The following MYOM1 variants were observed in gnomAD, a reference collection of about 807,000 sequenced individuals.
MYOM1 encodes myomesin-1.
In MYOM1, 164 loss-of-function variants were observed where a neutral mutation model predicts 205.3. That is an observed-to-expected ratio of 0.80 (90% CI 0.70 to 0.91). The LOEUF (loss-of-function observed/expected upper bound fraction) is 0.91, where lower values mean the gene tolerates loss of function less well. MYOM1 is among the 40% of genes least tolerant of loss of function. The probability of loss-of-function intolerance (pLI) is 0.00; values close to 1 mark genes in which losing one functional copy is unlikely to be tolerated. For synonymous variants in MYOM1, 772 were observed against 789.4 expected (o/e 0.98, Z 0.37); for missense variants, 2,011 against 2,127.3 (o/e 0.95, Z 1.08).
At chr18:3,200,207 AC>A (rs1270069600) in intron 2 of MYOM1, among the ~76,000 whole-genome samples, 4 of 152,130 alleles carry the variant, frequency 2.6e-5, no homozygotes, top group African/African-American at 7.2e-5. Context: ...AACCCAAAAA[AC>A]AAAAAACAAA....
In MYOM1 at chr18:3,215,262, A is replaced by G. The variant is rs78603353; in HGVS notation, c.-28-11T>C. The stretch of plus-strand genomic sequence containing the variant: ...AAGGAACCGGGCCACCTGAAGGAAA[A>G]CAACACTTTTTGAGTGACTTATTAA... On this transcript the variant is annotated splice_polypyrimidine_tract_variant and intron_variant, in intron 1 of 37. Transcript: ENST00000356443. The G allele has an allele frequency of 1.4e-3, 2,136 of 1,555,224 alleles. 5 individuals carry two copies. Among genetic ancestry groups the G allele is most frequent in the East Asian group, 0.012 (523 of 42,588 alleles).
At chr18:3,208,040 A>T (rs1326363739) in intron 2 of MYOM1, among the ~76,000 whole-genome samples, 3 of 152,206 alleles carry the variant, frequency 2.0e-5, no homozygotes, top group Non-Finnish European at 4.4e-5. Flanking sequence ...TTCTTGCTTT[A>T]ACATTCCACA....
At chr18:3,203,908 T>C (rs1006374775) in intron 2 of MYOM1, among the ~76,000 whole-genome samples, 1 of 151,658 alleles carries the variant, frequency 6.6e-6, no homozygotes, top group Non-Finnish European at 1.5e-5. Flanking sequence ...CAGCAACATA[T>C]AAAACCAAGT....
the MYOM1 span, among the ~76,000 whole-genome samples, chr18:3,237,605 A>G: frequency 6.6e-6 from 1 of 151,156 alleles, no homozygotes; most frequent in African/African-American, 2.4e-5. Context: ...TCTCAAAAAA[A>G]AAAAAAAAAA....
chr18:3,199,765 G>A (rs1314862338), intron 2 of MYOM1, among the ~76,000 whole-genome samples: 6 of 152,134 alleles, frequency 3.9e-5, no homozygotes, highest in Non-Finnish European at 5.9e-5. Context: ...ACTTGAACCC[G>A]GGAGGTGGAG....
At chr18:3,233,194 T>C in the MYOM1 span, among the ~76,000 whole-genome samples, 1 of 152,234 alleles carries the variant, frequency 6.6e-6, no homozygotes, top group Non-Finnish European at 1.5e-5. Flanking sequence ...CAAAAATTTA[T>C]TTTTGGACCT....
At position 3,135,089 on chromosome 18, in the gene MYOM1, C is replaced by G. The variant is rs555946068; in HGVS notation, c.2210-265G>C. On this transcript the variant is annotated intron_variant, in intron 15 of 37. Transcript: ENST00000356443. This position sits in a 1 kb window ranked among gnomAD's most constrained non-coding sequence, Gnocchi z 4.1. The stretch of plus-strand genomic sequence containing the variant: ...TCAGCCTCCTGAGTAGCTGGAATTA[C>G]CAGGCATGTGCCACAACGCCTGGCT... 3.1e-4 allele frequency: 127 copies of G among 408,488 alleles called. 1 individual carries two copies. The Admixed American group carries it at 4.1e-3, about 13-fold the overall frequency. The allele number at this position is 408,488 out of a possible 1,614,324, so 25.3% of individuals were successfully genotyped here. A position where few individuals can be genotyped will look rare whatever the true frequency, so the allele number is the denominator to read the frequency against.
At chr18:3,072,973 ATTTTT>A (rs770278592) in intron 36 of MYOM1, among the ~76,000 whole-genome samples, 1 of 102,440 alleles carries the variant, frequency 9.8e-6, no homozygotes, top group Admixed American at 1.2e-4. Context: ...AGATGTAAGC[ATTTTT>A]TTTTTTTTTT....
At chr18:3,102,754 T>C in intron 22 of MYOM1, 124 bp from the exon 23 acceptor site, 1 of 949,618 alleles carries the variant, frequency 1.1e-6, no homozygotes. Context: ...AGGGAAAAGC[T>C]TCACTACTCA....
chr18:3,105,647 G>A (rs894551564), intron 22 of MYOM1, among the ~76,000 whole-genome samples: 2 of 152,144 alleles, frequency 1.3e-5, no homozygotes, highest in African/African-American at 2.4e-5. Flanking sequence ...TTGAGGCCAG[G>A]AGTTCAAAAC....
rs2080700994 is a variant in MYOM1, at chr18:3,179,660, C to T, written c.930-3526G>A. Among the ~76,000 whole-genome samples, 1 of 152,176 alleles carries T rather than the reference C, an allele frequency of 6.6e-6. No individual in the cohort carries two copies. ...GCTTCAGACAGCTGTCTCAACATGG[C>T]TCGAGCAGACAGGACTATCTGATCA... On this transcript the variant is annotated intron_variant, in intron 5 of 37. Transcript: ENST00000356443. The surrounding 1 kb of genome is among the most constrained non-coding windows in gnomAD (Gnocchi z 4.4).
chr18:3,234,602 C>T, the MYOM1 span, among the ~76,000 whole-genome samples: 2 of 152,114 alleles, frequency 1.3e-5, no homozygotes, highest in Non-Finnish European at 2.9e-5. Context: ...GTGCCACACC[C>T]AGCCCACACA....
rs59555146 is a variant in MYOM1 at position 3,174,011 on chromosome 18, A to G, written c.1112-11T>C. On this transcript the variant is annotated splice_polypyrimidine_tract_variant and intron_variant, in intron 7 of 37. Transcript: ENST00000356443. ...ACTCTCCCTTATACCCTAGAGAAGA[A>G]AACAGAAACGCATGTGAACTGCTTT... The G allele has an allele frequency of 1.3e-3, 2,028 of 1,612,760 alleles. 44 individuals are homozygous for G. The East Asian group carries it at 0.037, about 29-fold the overall frequency.
chr18:3,238,859 C>G, the MYOM1 span, among the ~76,000 whole-genome samples: 668 of 152,158 alleles, frequency 4.4e-3, 9 homozygotes, highest in African/African-American at 0.015. Flanking sequence ...TTAAGGCCAG[C>G]AACATTGTAT....
chr18:3,155,006 G>T lies in MYOM1; in HGVS notation c.1584C>A (p.Ile528=). 6.2e-7 allele frequency: 1 copy of T among 1,613,294 alleles called. No individual in the cohort carries two copies. The highest frequency in any genetic ancestry group is 8.5e-7 in the Non-Finnish European group (1 of 1,179,596). Reference sequence around the variant, plus strand: ...CATCGACAGCTGGCTGTTTCCAGGAGATGATGATATAATCTTTGTTGGCCT... The same window carrying T: ...CATCGACAGCTGGCTGTTTCCAGGATATGATGATATAATCTTTGTTGGCCT... ...CLEANKDYII[I]SWKQPAVDGG... The change falls in exon 11 of 38, where the codon ATC becomes ATA. Residue 528 remains isoleucine (I), a synonymous_variant. Coordinates refer to ENST00000356443, the MANE Select transcript of MYOM1 (RefSeq NM_003803.4).
chr18:3,187,367 A>C, intron 5 of MYOM1, 113 bp downstream of exon 5: 1 of 1,198,336 alleles, frequency 8.3e-7, no homozygotes, highest in Admixed American at 2.3e-5. Context: ...AAACCTATAC[A>C]ATCTTGTAGA....
intron 5 of MYOM1, among the ~76,000 whole-genome samples, chr18:3,181,855 T>G (rs2080737100): frequency 6.7e-6 from 1 of 150,060 alleles, no homozygotes; most frequent in South Asian, 2.1e-4. Flanking sequence ...TGCCTCAGCC[T>G]CCTGTGTAGC....
chr18:3,185,922 G>A (rs545029017), intron 5 of MYOM1, among the ~76,000 whole-genome samples: 2 of 152,258 alleles, frequency 1.3e-5, no homozygotes, highest in East Asian at 1.9e-4. Flanking sequence ...GAAGCCAGGA[G>A]CGCTGGCTCA....
intron 22 of MYOM1, among the ~76,000 whole-genome samples, chr18:3,107,870 G>A (rs150388073): frequency 6.6e-6 from 1 of 152,154 alleles, no homozygotes; most frequent in African/African-American, 2.4e-5. Context: ...CTGTTCAGGG[G>A]CTGAAACCAC....
Sources: gnomAD v4.1 joint callset for allele counts (sites outside exome capture counted in the v4.1 genomes callset) on GRCh38, gnomAD v4.1.1 for gene constraint, Gnocchi (gnomAD v3.1) non-coding constraint, MANE v1.5 for transcripts, NCBI Gene and HGNC (gene_info 2026-07-23, HGNC 2026-07-21) for gene names.